The following SP3 variants were observed in gnomAD, a reference collection of about 807,000 sequenced individuals.
The protein encoded by SP3 is transcription factor Sp3.
In SP3, 10 loss-of-function variants were observed where a neutral mutation model predicts 70.3. The ratio of observed to expected loss-of-function variants is 0.14; its 90% confidence interval spans 0.09 to 0.24. The LOEUF is 0.24. Ranked by LOEUF, SP3 falls within the 10% of genes least tolerant of loss-of-function variation. SP3 has a pLI of 1.00. For missense variants in SP3, 825 were observed against 914.6 expected (o/e 0.90, Z 1.26); for synonymous variants, 402 against 333.5 (o/e 1.21, Z -2.24).
intron 3 of SP3, chr2:173,962,961 C>T (rs1327883372): frequency 6.6e-6 from 1 of 152,216 alleles, no homozygotes; most frequent in Non-Finnish European, 1.5e-5. Flanking sequence ...AAGAATCCCA[C>T]CATATCTTAC....
intron 3 of SP3, among the ~76,000 whole-genome samples, chr2:173,962,049 G>A (rs1691105787): frequency 6.8e-6 from 1 of 147,008 alleles, no homozygotes; most frequent in Admixed American, 7.0e-5. Flanking sequence ...ATTCTAGTTC[G>A]TCTTCATGTG....
At position 173,955,201 on chromosome 2, in the gene SP3, T is replaced by C. The variant is rs771764756; in HGVS notation, c.1311A>G (p.Gln437=). The C allele has an allele frequency of 2.1e-5, 34 of 1,614,164 alleles. No homozygotes were observed. Among genetic ancestry groups the C allele is most frequent in the Non-Finnish European group, 2.7e-5 (32 of 1,180,018 alleles). The part of the protein sequence containing the change: ...SGQNISQQAL[Q]NLQLQLNPGT... ...CAGGATTCAGCTGCAACTGAAGATT[T>C]TGCAAAGCCTGTTGTGATATATTTT... Residue 437 remains glutamine, a synonymous_variant, in exon 4 of 7, where the codon CAA becomes CAG. Coordinates refer to ENST00000310015, the MANE Select transcript of SP3 (RefSeq NM_003111.5).
Position 173,909,663 on chromosome 2 carries a change from C to G in SP3, c.*278G>C. On this transcript the variant is annotated 3_prime_UTR_variant, in exon 7 of 7. Coordinates refer to ENST00000310015, the MANE Select transcript of SP3 (RefSeq NM_003111.5). ...GGATTGATGCATTTGGTTAGACTAC[C>G]ATTCGCATTGTTAAATTCAATTTTC... 1 of 267,510 alleles carries G rather than the reference C, an allele frequency of 3.7e-6. No homozygotes were observed. The highest frequency in any genetic ancestry group is 4.6e-5 in the South Asian group (1 of 21,596). 16.6% of individuals were successfully genotyped at this position (267,510 alleles called of 1,614,324 possible).
Position 173,955,176 on chromosome 2 carries a change from C to T in SP3, c.1336G>A (p.Gly446Arg). The T allele has an allele frequency of 6.2e-7, 1 of 1,614,130 alleles. No homozygotes were observed. The change falls in exon 4 of 7, where the codon GGA becomes AGA. Residue 446 changes from glycine to arginine, a missense_variant. Transcript: ENST00000310015. ...LQNLQLQLNP[G>R]TFLIQAQTVT... ...GTCTGTGCCTGAATTAAAAAGGTTC[C>T]AGGATTCAGCTGCAACTGAAGATTT...
chr2:173,965,280 G>T lies in SP3; in HGVS notation c.-109C>A. ...CGGGAAGCGGCGGCGGACACGGCCG[G>T]AGCGGTCCGGGGATTTTTTTTTCCT... On this transcript the variant is annotated 5_prime_UTR_variant, in exon 1 of 7. Transcript: ENST00000310015. 2 of 1,298,470 alleles carry T rather than the reference G, an allele frequency of 1.5e-6. No individual in the cohort carries two copies. Among genetic ancestry groups the T allele is most frequent in the Non-Finnish European group, 2.2e-6 (2 of 926,080 alleles). The allele number at this position is 1,298,470 out of a possible 1,614,324, so 80.4% of individuals were successfully genotyped here. A position where few individuals can be genotyped will look rare whatever the true frequency, so the allele number is the denominator to read the frequency against.
intron 3 of SP3, chr2:173,963,193 A>G (rs1057076615): frequency 1.3e-5 from 2 of 152,224 alleles, no homozygotes; most frequent in African/African-American, 4.8e-5. Flanking sequence ...GTCACTGCAA[A>G]TTTTAGTAGT....
Position 173,906,516 on chromosome 2 carries a change from T to C in SP3, c.*3425A>G, listed in dbSNP as rs561208000. ...ATTCTTTTACAACAAAAACGATTGTTACCAGCTTCATATAATTAAAACTGA... is the reference window on the plus strand; with the variant it reads ...ATTCTTTTACAACAAAAACGATTGTCACCAGCTTCATATAATTAAAACTGA... On this transcript the variant is annotated 3_prime_UTR_variant, in exon 7 of 7. Transcript: ENST00000310015. 1.3e-5 allele frequency: 2 copies of C among 152,338 alleles called. No homozygotes were observed. Among genetic ancestry groups the C allele is most frequent in the South Asian group, 4.1e-4 (2 of 4,830 alleles). 9.4% of individuals were successfully genotyped at this position (152,338 alleles called of 1,614,324 possible).
At chr2:173,933,525 G>A (rs564912423) in intron 4 of SP3, among the ~76,000 whole-genome samples, 1 of 151,342 alleles carries the variant, frequency 6.6e-6, no homozygotes, top group Non-Finnish European at 1.5e-5. Flanking sequence ...CAATCACCAT[G>A]ACGTATTTCA....
chr2:173,960,776 C>G (rs1054701815), intron 3 of SP3, among the ~76,000 whole-genome samples: 17 of 151,866 alleles, frequency 1.1e-4, no homozygotes, highest in Admixed American at 1.1e-3. Context: ...CGAGACCATC[C>G]TGGCTAACAC....
intron 4 of SP3, among the ~76,000 whole-genome samples, chr2:173,954,554 G>GA (rs1437029224): frequency 3.9e-5 from 6 of 151,920 alleles, no homozygotes; most frequent in African/African-American, 1.5e-4. Context: ...GGCCAACCAA[G>GA]ACACCCTACC....
intron 2 of SP3, 107 bp from the exon 3 acceptor site, chr2:173,963,990 C>G: frequency 1.5e-6 from 1 of 683,304 alleles, no homozygotes; most frequent in Non-Finnish European, 2.2e-6. Context: ...GCCGACTGCG[C>G]CCGGGCAAGC....
chr2:173,951,378 A>G (rs936660528), intron 4 of SP3, among the ~76,000 whole-genome samples: 1 of 152,240 alleles, frequency 6.6e-6, no homozygotes, highest in African/African-American at 2.4e-5. Context: ...TTACCATATC[A>G]TAAACAGAAA....
chr2:173,937,942 A>C (rs1004451357), intron 4 of SP3, among the ~76,000 whole-genome samples: 1 of 152,244 alleles, frequency 6.6e-6, no homozygotes, highest in African/African-American at 2.4e-5. Context: ...TTAGAATAAA[A>C]ATACACTAAA....
At chr2:173,957,729 TATAAAG>T (rs1187131055) in intron 3 of SP3, among the ~76,000 whole-genome samples, 1 of 152,118 alleles carries the variant, frequency 6.6e-6, no homozygotes, top group Non-Finnish European at 1.5e-5. Context: ...ATCTGTGTCT[TATAAAG>T]ATAAACTAAG....
chr2:173,901,991 C>A lies in SP3; in HGVS notation c.*7950G>T, dbSNP rs544034726. Among the ~76,000 whole-genome samples the A allele has an allele frequency of 6.6e-6, 1 of 152,108 alleles. No individual in the cohort carries two copies. Among genetic ancestry groups the A allele is most frequent in the Non-Finnish European group, 1.5e-5 (1 of 68,016 alleles). On this transcript the variant is annotated 3_prime_UTR_variant, in exon 7 of 7. Coordinates refer to ENST00000310015, the MANE Select transcript of SP3 (RefSeq NM_003111.5). ...GCATGAGCCACTGCCCCCGGCCAAG[C>A]CTTCTTTTCAATATTCAACTCAAGA... is the stretch of plus-strand genomic sequence containing the variant.
chr2:173,920,659 C>T lies in SP3; in HGVS notation c.1640-1874G>A, dbSNP rs375898199. ...GTCTTGCTCTGTGGTGGCGTGACCT[C>T]GGCTCACTGCAACCTCTGCCTCCCG... On this transcript the variant is annotated intron_variant, in intron 4 of 6. Coordinates refer to ENST00000310015, the MANE Select transcript of SP3 (RefSeq NM_003111.5). 6.4e-4 allele frequency among the ~76,000 whole-genome samples: 98 copies of T among 151,994 alleles called. 3 individuals are homozygous for T. In the East Asian group the frequency reaches 0.016, roughly 25 times the overall value.
At chr2:173,942,819 T>C (rs945758290) in intron 4 of SP3, among the ~76,000 whole-genome samples, 1 of 152,148 alleles carries the variant, frequency 6.6e-6, no homozygotes, top group Non-Finnish European at 1.5e-5. Context: ...CCTCCACAGG[T>C]TCTATATCTG....
Position 173,948,796 on chromosome 2 carries a change from A to C in SP3, c.1639+6077T>G, listed in dbSNP as rs529070890. ...AGTCTCAAAATTAATAAACCAAAAA[A>C]ATCGTTGGAAAATCAGAATATGAAT... On this transcript the variant is annotated intron_variant, in intron 4 of 6. Transcript: ENST00000310015. Among the ~76,000 whole-genome samples, 3 of 152,268 alleles carry C rather than the reference A, an allele frequency of 2.0e-5. No homozygotes were observed. The South Asian group carries it at 6.2e-4, about 32-fold the overall frequency.
intron 4 of SP3, among the ~76,000 whole-genome samples, chr2:173,920,346 T>C (rs1480262933): frequency 1.3e-5 from 2 of 152,172 alleles, no homozygotes; most frequent in African/African-American, 2.4e-5. Context: ...TATGATGTAA[T>C]ATAGGTGGAT....
Sources: gnomAD v4.1 joint callset for allele counts (sites outside exome capture counted in the v4.1 genomes callset) on GRCh38, gnomAD v4.1.1 for gene constraint, MANE v1.5 for transcripts, NCBI Gene and HGNC (gene_info 2026-07-23, HGNC 2026-07-21) for gene names.